Variants in DTNB observed in about 807,000 individuals in gnomAD.
DTNB encodes the protein dystrobrevin beta.
DTNB carries 63 observed loss-of-function variants against 90.7 expected under a neutral mutation model. The observed-to-expected ratio is 0.69, with a 90% confidence interval of 0.57 to 0.86. DTNB has a LOEUF of 0.86. Ranked by LOEUF, DTNB falls within the 40% of genes least tolerant of loss-of-function variation. DTNB has a pLI of 0.00. For missense variants in DTNB, 744 were observed against 807.1 expected (o/e 0.92, Z 0.95); for synonymous variants, 277 against 286.7 (o/e 0.97, Z 0.34).
At chr2:25,531,248 G>A (rs1276887512) in intron 9 of DTNB, among the ~76,000 whole-genome samples, 1 of 152,234 alleles carries the variant, frequency 6.6e-6, no homozygotes, top group African/African-American at 2.4e-5. Flanking sequence ...GTTTCTGGAG[G>A]CTGCCATATT....
At chr2:25,386,904 G>A (rs537278405) in intron 18 of DTNB, among the ~76,000 whole-genome samples, 24 of 152,312 alleles carry the variant, frequency 1.6e-4, no homozygotes, top group African/African-American at 5.1e-4. Flanking sequence ...GGCTGATTCC[G>A]CTCCAGACCT....
intron 10 of DTNB, among the ~76,000 whole-genome samples, chr2:25,471,866 T>C (rs1232868095): frequency 6.8e-6 from 1 of 146,584 alleles, no homozygotes; most frequent in East Asian, 2.1e-4. Context: ...TTAATGTACA[T>C]AAAATTCTAG....
intron 16 of DTNB, among the ~76,000 whole-genome samples, chr2:25,394,350 C>T (rs763973942): frequency 2.0e-5 from 3 of 152,020 alleles, no homozygotes; most frequent in South Asian, 2.1e-4. Flanking sequence ...ACTCCATGAC[C>T]GAGAACCCAA....
intron 19 of DTNB, 107 bp from the exon 20 acceptor site, chr2:25,379,430 C>T (rs2036911868): frequency 1.6e-6 from 2 of 1,243,458 alleles, no homozygotes; most frequent in African/African-American, 3.1e-5. Context: ...CAGGGGCTTC[C>T]TTGCTTCTCC....
At chr2:25,481,153 T>C (rs1040976110) in intron 10 of DTNB, among the ~76,000 whole-genome samples, 4 of 151,792 alleles carry the variant, frequency 2.6e-5, no homozygotes, top group African/African-American at 9.7e-5. Flanking sequence ...AATCCAGCAC[T>C]TTGGGAGTCT....
chr2:25,445,138 G>A (rs1299066792), intron 12 of DTNB, among the ~76,000 whole-genome samples: 1 of 152,148 alleles, frequency 6.6e-6, no homozygotes, highest in African/African-American at 2.4e-5. Flanking sequence ...AAAGTACTAT[G>A]TAAACTCAGT....
intron 1 of DTNB, among the ~76,000 whole-genome samples, chr2:25,658,256 C>CAA (rs896773539): frequency 1.4e-4 from 9 of 65,288 alleles, no homozygotes; most frequent in African/African-American, 2.3e-4. Flanking sequence ...GACTCCATCT[C>CAA]AAAAAAAAAA....
At chr2:25,547,870 C>T (rs1043546757) in intron 8 of DTNB, among the ~76,000 whole-genome samples, 2 of 152,164 alleles carry the variant, frequency 1.3e-5, no homozygotes, top group African/African-American at 4.8e-5. Flanking sequence ...AGATTTTCTA[C>T]TTCTTTTACC....
At chr2:25,572,520 C>T (rs532640973) in intron 8 of DTNB, among the ~76,000 whole-genome samples, 20 of 151,526 alleles carry the variant, frequency 1.3e-4, no homozygotes, top group African/African-American at 4.1e-4. Flanking sequence ...CAATATACAA[C>T]GGTGGAGCCG....
chr2:25,498,986 C>T (rs1449067725), intron 9 of DTNB, among the ~76,000 whole-genome samples: 2 of 150,818 alleles, frequency 1.3e-5, no homozygotes, highest in South Asian at 2.1e-4. Flanking sequence ...GAGGCCAAGG[C>T]GGGTGGATCA....
At chr2:25,382,405 AAGAAC>A (rs1464768036) in intron 19 of DTNB, among the ~76,000 whole-genome samples, 1 of 152,188 alleles carries the variant, frequency 6.6e-6, no homozygotes, top group Non-Finnish European at 1.5e-5. Flanking sequence ...GCACAACAGA[AAGAAC>A]AGCTCACCCT....
intron 4 of DTNB, among the ~76,000 whole-genome samples, chr2:25,621,609 ATTTTTTTTTTT>A (rs758895953): frequency 2.8e-5 from 3 of 106,002 alleles, no homozygotes; most frequent in Non-Finnish European, 5.5e-5. Flanking sequence ...TGCCTGGCTA[ATTTTTTTTTTT>A]TTTTTTTTTT....
chr2:25,385,090 C>T (rs2039099078), intron 18 of DTNB, among the ~76,000 whole-genome samples: 1 of 151,936 alleles, frequency 6.6e-6, no homozygotes. Flanking sequence ...GTTGGTCAGG[C>T]TGGTCTTAAA....
chr2:25,414,280 A>AGTCTC (rs1022459584), intron 16 of DTNB, among the ~76,000 whole-genome samples: 1 of 152,048 alleles, frequency 6.6e-6, no homozygotes, highest in African/African-American at 2.4e-5. Context: ...TTGGAGACAG[A>AGTCTC]GTCTCGCTCT....
chr2:25,661,455 C>T (rs1366279639), intron 1 of DTNB, among the ~76,000 whole-genome samples: 4 of 152,134 alleles, frequency 2.6e-5, no homozygotes, highest in African/African-American at 9.7e-5. Context: ...ACTATAATAT[C>T]TAAGGATCCA....
At chr2:25,495,796 T>G (rs922272935) in intron 9 of DTNB, among the ~76,000 whole-genome samples, 3 of 152,228 alleles carry the variant, frequency 2.0e-5, no homozygotes, top group South Asian at 4.1e-4. Context: ...GTACTGTAAG[T>G]GTAGCATAAA....
chr2:25,403,193 G>A (rs2044200793), intron 16 of DTNB, among the ~76,000 whole-genome samples: 1 of 152,152 alleles, frequency 6.6e-6, no homozygotes, highest in African/African-American at 2.4e-5. Context: ...TCGGCTCACT[G>A]CAACCTCCGC....
At chr2:25,505,617 GGT>G (rs2072201528) in intron 9 of DTNB, among the ~76,000 whole-genome samples, 1 of 151,558 alleles carries the variant, frequency 6.6e-6, no homozygotes, top group African/African-American at 2.4e-5. Context: ...TTATATTTGG[GGT>G]TTGCTTGCTC....
chr2:25,402,786 A>C (rs922406508), intron 16 of DTNB, among the ~76,000 whole-genome samples: 6 of 152,204 alleles, frequency 3.9e-5, no homozygotes, highest in African/African-American at 1.4e-4. Flanking sequence ...ATTTGTGATC[A>C]CGGTGTTGCC....
Sources: gnomAD v4.1 joint callset for allele counts (sites outside exome capture counted in the v4.1 genomes callset) on GRCh38, gnomAD v4.1.1 for gene constraint, MANE v1.5 for transcripts, NCBI Gene and HGNC (gene_info 2026-07-23, HGNC 2026-07-21) for gene names.